SEC11C: variants seen among roughly 807,000 people sequenced by gnomAD.
SEC11C encodes the protein SEC11 homolog C, signal peptidase complex subunit, also known as signal peptidase complex catalytic subunit SEC11C.
A neutral mutation model predicts 21.9 loss-of-function variants in SEC11C; 10 were observed. That is an observed-to-expected ratio of 0.46 (90% confidence interval 0.28 to 0.77). SEC11C has a LOEUF of 0.77. Ranked by LOEUF, SEC11C falls within the 30% of genes least tolerant of loss-of-function variation. The pLI, the probability that SEC11C is intolerant of heterozygous loss-of-function variation, is 0.12. For synonymous variants in SEC11C, 83 were observed against 85.6 expected (o/e 0.97, Z 0.17); for missense variants, 145 against 244.5 (o/e 0.59, Z 2.71).
At position 59,140,470 on chromosome 18, in the gene SEC11C, C is replaced by A. The variant is rs187509558; in HGVS notation, c.87+435C>A. ...AAGGCAGGCGAGAGGGAAGAACTTTCCTACAACGGGAGCTGTCCAGCGATG... is the reference window on the plus strand; with the variant it reads ...AAGGCAGGCGAGAGGGAAGAACTTTACTACAACGGGAGCTGTCCAGCGATG... On this transcript the variant is annotated intron_variant, in intron 1 of 5. Coordinates refer to ENST00000587834, the MANE Select transcript of SEC11C (RefSeq NM_033280.4). 5.9e-5 allele frequency among the ~76,000 whole-genome samples: 9 copies of A among 152,358 alleles called. No individual in the cohort carries two copies. In the South Asian group the frequency reaches 1.2e-3, roughly 21 times the overall value.
chr18:59,147,899 A>T (rs1160809232), intron 1 of SEC11C: 1 of 152,262 alleles, frequency 6.6e-6, no homozygotes, highest in Non-Finnish European at 1.5e-5. Flanking sequence ...TGCTGAGGGT[A>T]TAAAAACAGA....
chr18:59,155,305 G>A (rs2069406778), intron 3 of SEC11C, among the ~76,000 whole-genome samples: 1 of 152,204 alleles, frequency 6.6e-6, no homozygotes, highest in South Asian at 2.1e-4. Context: ...GCCCACTGAT[G>A]AATGACACTA....
intron 1 of SEC11C, among the ~76,000 whole-genome samples, chr18:59,140,475 A>C (rs1002993268): frequency 2.6e-5 from 4 of 152,176 alleles, no homozygotes; most frequent in Admixed American, 2.6e-4. Context: ...ACTTTCCTAC[A>C]ACGGGAGCTG....
At chr18:59,150,976 A>T (rs2069344779) in intron 2 of SEC11C, among the ~76,000 whole-genome samples, 1 of 151,932 alleles carries the variant, frequency 6.6e-6, no homozygotes, top group African/African-American at 2.4e-5. Context: ...TTTTTTTTTA[A>T]AGCATCCTTT....
Position 59,139,889 on chromosome 18 carries a change from C to T in SEC11C, c.-60C>T. 1 of 1,299,102 alleles carries T rather than the reference C, an allele frequency of 7.7e-7. No individual in the cohort carries two copies. The highest frequency in any genetic ancestry group is 1.7e-5 in the South Asian group (1 of 58,832). The allele number at this position is 1,299,102 out of a possible 1,614,324, so 80.5% of individuals were successfully genotyped here. A position where few individuals can be genotyped will look rare whatever the true frequency, so the allele number is the denominator to read the frequency against. The stretch of plus-strand genomic sequence containing the variant: ...GCCGGTGGGCGGGGGCCGGCAGGTG[C>T]TCCGCAGCCGTCTGTGCCACCCAGA... On this transcript the variant is annotated 5_prime_UTR_variant, in exon 1 of 6. Coordinates refer to ENST00000587834, the MANE Select transcript of SEC11C (RefSeq NM_033280.4).
At chr18:59,146,365 C>T (rs145301225) in intron 1 of SEC11C, among the ~76,000 whole-genome samples, 248 of 152,266 alleles carry the variant, frequency 1.6e-3, no homozygotes, top group Non-Finnish European at 2.7e-3. Context: ...TCTTTAAAGA[C>T]ATCTAAGTGG....
intron 2 of SEC11C, among the ~76,000 whole-genome samples, chr18:59,149,898 G>C: frequency 6.6e-6 from 1 of 152,042 alleles, no homozygotes; most frequent in East Asian, 1.9e-4. Flanking sequence ...TTAATAATAT[G>C]TGGTATTCCT....
At chr18:59,146,561 A>G (rs1411434119) in intron 1 of SEC11C, among the ~76,000 whole-genome samples, 1 of 152,096 alleles carries the variant, frequency 6.6e-6, no homozygotes, top group Non-Finnish European at 1.5e-5. Context: ...CGAAGAAATG[A>G]TCATGTGTGT....
chr18:59,149,491 G>T (rs767319880), intron 1 of SEC11C, 22 bp from the exon 2 acceptor site: 5 of 1,499,654 alleles, frequency 3.3e-6, no homozygotes, highest in Middle Eastern at 1.7e-4. Flanking sequence ...TTTTCATCGT[G>T]GTTTCCTCTT....
intron 1 of SEC11C, among the ~76,000 whole-genome samples, chr18:59,144,957 A>G (rs549521155): frequency 2.1e-5 from 3 of 146,004 alleles, no homozygotes; most frequent in Non-Finnish European, 3.0e-5. Context: ...TTTTATCACT[A>G]TTTATTCAAC....
intron 2 of SEC11C, among the ~76,000 whole-genome samples, chr18:59,151,804 C>T (rs1368296054): frequency 1.3e-5 from 2 of 152,182 alleles, no homozygotes; most frequent in Non-Finnish European, 2.9e-5. Context: ...TATTTTCTCA[C>T]GTATTAAAAC....
chr18:59,140,242 G>C (rs978375591), intron 1 of SEC11C, among the ~76,000 whole-genome samples: 1 of 152,252 alleles, frequency 6.6e-6, no homozygotes, highest in Non-Finnish European at 1.5e-5. Context: ...CACAATTAGG[G>C]GAGGGTGCAG....
rs1166014272 is a variant in SEC11C, at chr18:59,152,595, A to C, written c.257A>C (p.Glu86Ala). The change falls in exon 3 of 6, where the codon GAA (glutamate) becomes GCA (alanine). Residue 86 changes from glutamate to alanine, a missense_variant. Transcript: ENST00000587834. Reference protein sequence around the residue: ...GDLLFLTNFREDPIRAGEIVV... With the variant: ...GDLLFLTNFRADPIRAGEIVV... ...CTCCTGTTCCTCACAAATTTCCGGG[A>C]AGACCCAATCAGAGCTGGTGAAATA... 1 of 1,613,694 alleles carries C rather than the reference A, an allele frequency of 6.2e-7. No individual in the cohort carries two copies. Among genetic ancestry groups the C allele is most frequent in the Non-Finnish European group, 8.5e-7 (1 of 1,179,948 alleles).
intron 1 of SEC11C, among the ~76,000 whole-genome samples, chr18:59,142,263 G>A (rs987437962): frequency 2.0e-5 from 3 of 152,158 alleles, no homozygotes; most frequent in African/African-American, 4.8e-5. Flanking sequence ...CTCAAAGGAA[G>A]TTTTTTTGAG....
chr18:59,152,238 C>CT (rs1555658450), intron 2 of SEC11C, among the ~76,000 whole-genome samples: 2 of 151,580 alleles, frequency 1.3e-5, no homozygotes, highest in Non-Finnish European at 2.9e-5. Context: ...AGATGCAGGA[C>CT]TTTTTTTAAA....
At chr18:59,142,075 G>A (rs28634025) in intron 1 of SEC11C, among the ~76,000 whole-genome samples, 30,792 of 151,832 alleles carry the variant, frequency 0.2, 3,887 homozygotes, top group East Asian at 0.39. Flanking sequence ...TTTCCAGACC[G>A]CAGTCAGCTT....
intron 1 of SEC11C, among the ~76,000 whole-genome samples, chr18:59,141,908 A>G (rs1436831741): frequency 6.6e-6 from 1 of 151,774 alleles, no homozygotes; most frequent in African/African-American, 2.4e-5. Flanking sequence ...TTTGCTTAAA[A>G]CTCTTAGACA....
At chr18:59,142,553 A>T (rs1022857717) in intron 1 of SEC11C, among the ~76,000 whole-genome samples, 13 of 152,210 alleles carry the variant, frequency 8.5e-5, no homozygotes, top group African/African-American at 3.1e-4. Context: ...AATTCCAGTG[A>T]ACAGCTTCTG....
At chr18:59,151,299 AATT>A (rs1364219124) in intron 2 of SEC11C, among the ~76,000 whole-genome samples, 1 of 147,912 alleles carries the variant, frequency 6.8e-6, no homozygotes, top group African/African-American at 2.5e-5. Context: ...CCACAGATGA[AATT>A]ATCTTAAGCA....
Sources: gnomAD v4.1 joint callset for allele counts (sites outside exome capture counted in the v4.1 genomes callset) on GRCh38, gnomAD v4.1.1 for gene constraint, MANE v1.5 for transcripts, NCBI Gene and HGNC (gene_info 2026-07-23, HGNC 2026-07-21) for gene names.